The following CNTN4 variants were observed in gnomAD, a reference collection of about 807,000 sequenced individuals.
The protein encoded by CNTN4 is contactin-4.
A neutral mutation model predicts 122.5 loss-of-function variants in CNTN4; 77 were observed. The ratio of observed to expected loss-of-function variants is 0.63; its 90% CI spans 0.52 to 0.76. The LOEUF (loss-of-function observed/expected upper bound fraction) is 0.76, where lower values mean the gene tolerates loss of function less well. CNTN4 is among the 30% of genes least tolerant of loss of function. The pLI is 0.00. For synonymous variants in CNTN4, 512 were observed against 447.0 expected, an observed-to-expected ratio of 1.15 and a Z score of -1.83; for missense variants, 1,256 against 1,259.1, an observed-to-expected ratio of 1.00 and a Z score of 0.04.
At chr3:2,567,082 T>TTA in intron 3 of CNTN4, among the ~76,000 whole-genome samples, 1 of 85,878 alleles carries the variant, frequency 1.2e-5, no homozygotes, top group Admixed American at 1.4e-4. Flanking sequence ...AAGTCCAGAA[T>TTA]TTTTTTTTTT....
intron 3 of CNTN4, among the ~76,000 whole-genome samples, chr3:2,351,398 A>G (rs1223019141): frequency 6.6e-6 from 1 of 152,210 alleles, no homozygotes; most frequent in Non-Finnish European, 1.5e-5. Context: ...GAAGGAGAGA[A>G]CGTAGTTTTC....
chr3:2,859,265 C>G (rs1247082160), intron 7 of CNTN4, among the ~76,000 whole-genome samples: 1 of 152,168 alleles, frequency 6.6e-6, no homozygotes, highest in Non-Finnish European at 1.5e-5. Context: ...AGATACTATT[C>G]CACTGTGTAT....
At position 2,387,028 on chromosome 3, in the gene CNTN4, T is replaced by C. The variant is rs1196312912; in HGVS notation, c.-89+47795T>C. 3.3e-5 allele frequency among the ~76,000 whole-genome samples: 5 copies of C among 152,208 alleles called. 1 individual carries two copies. Among genetic ancestry groups the C allele is most frequent in the Admixed American group, 2.0e-4 (3 of 15,290 alleles). On this transcript the variant is annotated intron_variant, in intron 3 of 24. Transcript: ENST00000418658. Reference sequence around the variant, plus strand: ...AGGGAAGAAATAGAAGTTAGAGTTTTGAACTTGCTAACCATAAGTCGTGTG... The same window carrying C: ...AGGGAAGAAATAGAAGTTAGAGTTTCGAACTTGCTAACCATAAGTCGTGTG...
chr3:2,104,236 G>GTGTC, intron 2 of CNTN4, among the ~76,000 whole-genome samples: 1 of 138,722 alleles, frequency 7.2e-6, no homozygotes, highest in East Asian at 1.9e-4. Flanking sequence ...CTACGTGTGT[G>GTGTC]TGTGTGTGTG....
chr3:2,122,119 C>T (rs1386638503), intron 2 of CNTN4, among the ~76,000 whole-genome samples: 6 of 149,906 alleles, frequency 4.0e-5, no homozygotes, highest in Non-Finnish European at 7.4e-5. Context: ...TGCGCCACTG[C>T]ACTCCAGCCT....
chr3:2,543,494 A>G (rs2078113022), intron 3 of CNTN4, among the ~76,000 whole-genome samples: 1 of 152,066 alleles, frequency 6.6e-6, no homozygotes, highest in African/African-American at 2.4e-5. Flanking sequence ...AACAGTGTGT[A>G]CGGGTTTAGC....
At chr3:2,159,197 G>T (rs1054440413) in intron 2 of CNTN4, among the ~76,000 whole-genome samples, 4 of 152,060 alleles carry the variant, frequency 2.6e-5, no homozygotes, top group African/African-American at 9.7e-5. Flanking sequence ...GTATACTTTT[G>T]ACCAGAATAT....
At chr3:2,714,768 C>T (rs1035830998) in intron 4 of CNTN4, among the ~76,000 whole-genome samples, 4 of 152,108 alleles carry the variant, frequency 2.6e-5, no homozygotes, top group South Asian at 2.1e-4. Context: ...GACAGGGTCT[C>T]GCTCTGTCAC....
chr3:2,980,699 A>C (rs948221987), intron 13 of CNTN4, among the ~76,000 whole-genome samples: 1 of 152,216 alleles, frequency 6.6e-6, no homozygotes, highest in African/African-American at 2.4e-5. Context: ...AATAGGCAAA[A>C]GAAAGAGAAA....
intron 3 of CNTN4, among the ~76,000 whole-genome samples, chr3:2,402,884 A>G (rs191339867): frequency 6.6e-6 from 1 of 152,166 alleles, no homozygotes; most frequent in South Asian, 2.1e-4. Context: ...TGATTGCAAT[A>G]GTTCCTTGTG....
intron 4 of CNTN4, among the ~76,000 whole-genome samples, chr3:2,660,259 A>T (rs189358313): frequency 3.5e-4 from 53 of 152,212 alleles, no homozygotes; most frequent in African/African-American, 1.1e-3. Flanking sequence ...AACATTTTTT[A>T]AAAAAAGAAA....
At chr3:2,705,048 TTTATTAA>T (rs1303889147) in intron 4 of CNTN4, among the ~76,000 whole-genome samples, 1 of 151,746 alleles carries the variant, frequency 6.6e-6, no homozygotes, top group African/African-American at 2.4e-5. Flanking sequence ...TATATATATA[TTTATTAA>T]TTATTAATTT....
chr3:2,417,670 G>C (rs1385492176), intron 3 of CNTN4, among the ~76,000 whole-genome samples: 3 of 152,180 alleles, frequency 2.0e-5, no homozygotes, highest in African/African-American at 4.8e-5. Context: ...TTTACATAAA[G>C]ACCTGCACAC....
chr3:2,148,086 A>T (rs1375614447), intron 2 of CNTN4, among the ~76,000 whole-genome samples: 1 of 152,082 alleles, frequency 6.6e-6, no homozygotes, highest in Non-Finnish European at 1.5e-5. Context: ...GAATGATTTC[A>T]TGGCTCCCAT....
rs544325412 is a variant in CNTN4, at chr3:2,822,330, G to A, written c.454+2749G>A. Among the ~76,000 whole-genome samples the A allele has an allele frequency of 1.1e-4, 17 of 152,256 alleles. No homozygotes were observed. The South Asian group carries it at 2.7e-3, about 24-fold the overall frequency. On this transcript the variant is annotated intron_variant, in intron 7 of 24. Transcript: ENST00000418658. The stretch of plus-strand genomic sequence containing the variant: ...GCCTCACTCTGCCTGTCTATAAAAT[G>A]AAGAGATTAAAAGAAGTCTCTCAAA...
At position 2,701,251 on chromosome 3, in the gene CNTN4, A is replaced by G. The variant is rs551582286; in HGVS notation, c.56-34964A>G. ...GACATAGGCAGGAAGAGCCCACTCT[A>G]CAAAATGCATCCAGTATATTTTGAG... On this transcript the variant is annotated intron_variant, in intron 4 of 24. Coordinates refer to ENST00000418658, the MANE Select transcript of CNTN4 (RefSeq NM_175607.3). Among the ~76,000 whole-genome samples the G allele has an allele frequency of 4.6e-5, 7 of 152,238 alleles. No individual in the cohort carries two copies. The East Asian group carries it at 1.4e-3, about 29-fold the overall frequency.
chr3:2,335,594 T>G (rs1575403475), intron 2 of CNTN4, among the ~76,000 whole-genome samples: 1 of 151,872 alleles, frequency 6.6e-6, no homozygotes, highest in South Asian at 2.1e-4. Flanking sequence ...GTTTTTTTTT[T>G]TTTTTTTTAA....
intron 6 of CNTN4, among the ~76,000 whole-genome samples, chr3:2,770,034 TG>T (rs60667714): frequency 0.16 from 21,564 of 137,126 alleles, 2,088 homozygotes; most frequent in African/African-American, 0.29. Flanking sequence ...TTTGTTTGTT[TG>T]TTTTTTTTTT....
intron 2 of CNTN4, among the ~76,000 whole-genome samples, chr3:2,211,135 G>A (rs1002855761): frequency 6.6e-6 from 1 of 152,154 alleles, no homozygotes; most frequent in Non-Finnish European, 1.5e-5. Context: ...TTTTACTTAT[G>A]GCAGAGGGCA....
Sources: gnomAD v4.1 joint callset for allele counts (sites outside exome capture counted in the v4.1 genomes callset) on GRCh38, gnomAD v4.1.1 for gene constraint, MANE v1.5 for transcripts, NCBI Gene and HGNC (gene_info 2026-07-23, HGNC 2026-07-21) for gene names.